Variants in CMBL observed in about 807,000 individuals in gnomAD.
The protein encoded by CMBL is carboxymethylenebutenolidase homolog.
CMBL carries 17 observed loss-of-function variants against 28.7 expected under a neutral mutation model. The observed-to-expected ratio is 0.59, with a 90% CI of 0.41 to 0.89. The LOEUF is 0.89. Ranked by LOEUF, CMBL falls within the 40% of genes least tolerant of loss-of-function variation. The pLI is 0.00. For synonymous variants in CMBL, 106 were observed against 101.6 expected (o/e 1.04, Z -0.26); for missense variants, 310 against 298.5 (o/e 1.04, Z -0.28).
rs750687273 is a variant in CMBL at position 10,290,696 on chromosome 5, G to A, written c.67C>T (p.Arg23Cys). 5.0e-6 allele frequency: 8 copies of A among 1,614,040 alleles called. No homozygotes were observed. Among genetic ancestry groups the A allele is most frequent in the East Asian group, 2.2e-5 (1 of 44,898 alleles). ...TTGATGTGCTCGACTTGAACTTCAC[G>A]GCCTAGCCCTCCATACTCAAGTCTG... ...GHRLEYGGLG[R>C]EVQVEHIKAY... is the part of the protein sequence containing the mutation. The change falls in exon 2 of 6, where the codon CGT becomes TGT. Residue 23 changes from arginine to cysteine, a missense_variant. Coordinates refer to ENST00000296658, the MANE Select transcript of CMBL (RefSeq NM_138809.4).
Position 10,294,458 on chromosome 5 carries a change from G to C in CMBL, c.-19-3677C>G, listed in dbSNP as rs564189638. ...ACATGCCTGTATTCCCAGCTACTCA[G>C]GAGGCTGAGGTAGGGGGATCCCTTG... On this transcript the variant is annotated intron_variant, in intron 1 of 5. Coordinates refer to ENST00000296658, the MANE Select transcript of CMBL (RefSeq NM_138809.4). 1.2e-4 allele frequency among the ~76,000 whole-genome samples: 18 copies of C among 152,258 alleles called. No individual in the cohort carries two copies. The East Asian group carries it at 3.5e-3, about 29-fold the overall frequency.
At chr5:10,284,964 T>A (rs1406034203) in intron 4 of CMBL, among the ~76,000 whole-genome samples, 1 of 152,170 alleles carries the variant, frequency 6.6e-6, no homozygotes, top group Non-Finnish European at 1.5e-5. Context: ...TATTTCGATT[T>A]TAGAGTGTGT....
rs1746431732 is a variant in CMBL at position 10,278,416 on chromosome 5, T to C, written c.*2037A>G. ...CTGACCCCCACACCCACATGGACCA[T>C]GCCGATATCCTACCCACACCGACCC... On this transcript the variant is annotated 3_prime_UTR_variant, in exon 6 of 6. Transcript: ENST00000296658. Among the ~76,000 whole-genome samples, 2 of 152,070 alleles carry C rather than the reference T, an allele frequency of 1.3e-5. No homozygotes were observed. The highest frequency in any genetic ancestry group is 2.9e-5 in the Non-Finnish European group (2 of 68,006).
At chr5:10,285,436 G>A (rs1746581456) in intron 4 of CMBL, among the ~76,000 whole-genome samples, 2 of 152,100 alleles carry the variant, frequency 1.3e-5, no homozygotes, top group African/African-American at 4.8e-5. Context: ...CAAAGTGCTG[G>A]GATTATAGGC....
intron 3 of CMBL, among the ~76,000 whole-genome samples, chr5:10,287,354 G>T (rs552685541): frequency 6.6e-6 from 1 of 152,250 alleles, no homozygotes; most frequent in East Asian, 1.9e-4. Context: ...GGAGCTGGAG[G>T]TCATTTCTCT....
chr5:10,280,513 G>A lies in CMBL; in HGVS notation c.678C>T (p.Asp226=), dbSNP rs770915320. 2.5e-6 allele frequency: 4 copies of A among 1,613,806 alleles called. No homozygotes were observed. Among genetic ancestry groups the A allele is most frequent in the Non-Finnish European group, 3.4e-6 (4 of 1,179,776 alleles). Residue 226 remains aspartate, a synonymous_variant, in exon 6 of 6, where the codon GAC becomes GAT. Coordinates refer to ENST00000296658, the MANE Select transcript of CMBL (RefSeq NM_138809.4). The part of the protein sequence containing the change: ...HRKREDCSPA[D]KPYIDEARRN... ...TTCTGGCCTCGTCAATGTAGGGCTT[G>A]TCTGCAGGTGAGCAATCTTCTCTCT...
chr5:10,305,902 G>C (rs1380232308), intron 1 of CMBL, among the ~76,000 whole-genome samples: 1 of 151,956 alleles, frequency 6.6e-6, no homozygotes, highest in African/African-American at 2.4e-5. Context: ...AAATTCCAAG[G>C]GTATGCTCCT....
intron 1 of CMBL, chr5:10,307,339 G>A (rs1747017221): frequency 6.6e-6 from 1 of 152,186 alleles, no homozygotes; most frequent in African/African-American, 2.4e-5. Flanking sequence ...GTTTGCATAC[G>A]GTGTGATTTC....
chr5:10,290,598 C>A lies in CMBL; in HGVS notation c.165G>T (p.Gln55His), dbSNP rs1358514574. 2 of 1,614,204 alleles carry A rather than the reference C, an allele frequency of 1.2e-6. No individual in the cohort carries two copies. Among genetic ancestry groups the A allele is most frequent in the South Asian group, 1.1e-5 (1 of 91,078 alleles). Residue 55 changes from glutamine to histidine, a missense_variant, in exon 2 of 6, where the codon CAG (glutamine) becomes CAT (histidine). Physicochemically the swap from Gln to His is conservative, Grantham distance 24. Transcript: ENST00000296658. Reference sequence around the variant, plus strand: ...CAGCTATATATCTGGTATTGGGCAACTGCCAGCCAAATATATCTTGAATGA... The same window carrying A: ...CAGCTATATATCTGGTATTGGGCAAATGCCAGCCAAATATATCTTGAATGA... Reference protein sequence around the residue: ...VIVIQDIFGWQLPNTRYIADM... With the variant: ...VIVIQDIFGWHLPNTRYIADM...
chr5:10,292,773 G>A (rs1229168836), intron 1 of CMBL, among the ~76,000 whole-genome samples: 1 of 144,064 alleles, frequency 6.9e-6, no homozygotes, highest in South Asian at 2.2e-4. Context: ...GCAGTGAGCC[G>A]AGATTGCGCC....
In CMBL at chr5:10,279,094, A is replaced by G. The variant is rs1328442251; in HGVS notation, c.*1359T>C. On this transcript the variant is annotated 3_prime_UTR_variant, in exon 6 of 6. Coordinates refer to ENST00000296658, the MANE Select transcript of CMBL (RefSeq NM_138809.4). ...GTACGCACCCCGTAGGTGCAGGTGC[A>G]GAGTTTCTCACCGGCTCTCCCCTTT... Among the ~76,000 whole-genome samples the G allele has an allele frequency of 1.3e-5, 2 of 152,178 alleles. No individual in the cohort carries two copies. Among genetic ancestry groups the G allele is most frequent in the Non-Finnish European group, 2.9e-5 (2 of 68,030 alleles).
chr5:10,301,335 T>G (rs906412236), intron 1 of CMBL, among the ~76,000 whole-genome samples: 4 of 152,102 alleles, frequency 2.6e-5, no homozygotes, highest in Non-Finnish European at 5.9e-5. Flanking sequence ...TGGACTGTAG[T>G]TTTCTTGGTT....
In CMBL at chr5:10,297,635, C is replaced by CT. The variant is rs898469594; in HGVS notation, c.-19-6855dup. Among the ~76,000 whole-genome samples, 76 of 146,380 alleles carry CT rather than the reference C, an allele frequency of 5.2e-4. No individual in the cohort carries two copies. In the East Asian group the frequency reaches 6.0e-3, roughly 11 times the overall value. ...ATGGAGGGAAGACACAGGGATGAGC[C>CT]TTTTTTTTTTAAAGTGGAAGAAATC... On this transcript the variant is annotated intron_variant, in intron 1 of 5. Coordinates refer to ENST00000296658, the MANE Select transcript of CMBL (RefSeq NM_138809.4).
chr5:10,278,020 C>A lies in CMBL; in HGVS notation c.*2433G>T, dbSNP rs1325446533. On this transcript the variant is annotated 3_prime_UTR_variant, in exon 6 of 6. Transcript: ENST00000296658. ...ATGAATGTGTGAGGCCTCCTGGGAG[C>A]AGCCCTCAGCAGGCAAGGGCTTTGG... Among the ~76,000 whole-genome samples, 1 of 152,202 alleles carries A rather than the reference C, an allele frequency of 6.6e-6. No homozygotes were observed. Among genetic ancestry groups the A allele is most frequent in the Admixed American group, 6.5e-5 (1 of 15,276 alleles).
chr5:10,284,379 A>G (rs1387505696), intron 4 of CMBL, among the ~76,000 whole-genome samples: 1 of 152,248 alleles, frequency 6.6e-6, no homozygotes, highest in Non-Finnish European at 1.5e-5. Flanking sequence ...TACCACAATG[A>G]GGAACCATTA....
intron 1 of CMBL, among the ~76,000 whole-genome samples, chr5:10,296,005 G>A (rs527316826): frequency 2.0e-4 from 30 of 152,280 alleles, no homozygotes; most frequent in Middle Eastern, 3.4e-3. Flanking sequence ...GAGAAAATGC[G>A]AGTATTGGAG....
Position 10,296,710 on chromosome 5 carries a change from G to A in CMBL, c.-19-5929C>T, listed in dbSNP as rs964961433. On this transcript the variant is annotated intron_variant, in intron 1 of 5. Coordinates refer to ENST00000296658, the MANE Select transcript of CMBL (RefSeq NM_138809.4). ...AGCCTGAGAAGGAACAGCCAGTGAC[G>A]GGGGAGGAAGACCCCAAGTGTGGTG... Among the ~76,000 whole-genome samples, 31 of 152,298 alleles carry A rather than the reference G, an allele frequency of 2.0e-4. No homozygotes were observed. In the South Asian group the frequency reaches 4.8e-3, roughly 23 times the overall value.
chr5:10,295,433 G>T (rs371722100), intron 1 of CMBL, among the ~76,000 whole-genome samples: 1 of 152,096 alleles, frequency 6.6e-6, no homozygotes, highest in Non-Finnish European at 1.5e-5. Context: ...ATGGACATTC[G>T]AAAAATGTGA....
chr5:10,304,160 A>AATTATTCT (rs1746958237), intron 1 of CMBL, among the ~76,000 whole-genome samples: 1 of 151,942 alleles, frequency 6.6e-6, no homozygotes, highest in African/African-American at 2.4e-5. Context: ...CAGGAGTTCA[A>AATTATTCT]GACCTGCCTG....
Sources: gnomAD v4.1 joint callset for allele counts (sites outside exome capture counted in the v4.1 genomes callset) on GRCh38, gnomAD v4.1.1 for gene constraint, MANE v1.5 for transcripts, NCBI Gene and HGNC (gene_info 2026-07-23, HGNC 2026-07-21) for gene names.